Variants in FBLIM1 observed in about 807,000 individuals in gnomAD.
FBLIM1 encodes the protein filamin binding LIM protein 1.
In FBLIM1, 29 loss-of-function variants were observed where a neutral mutation model predicts 37.4. The observed-to-expected ratio is 0.77, with a 90% CI of 0.58 to 1.06. The LOEUF (loss-of-function observed/expected upper bound fraction) is 1.06. Among genes scored for constraint, FBLIM1 ranks in the 50% least tolerant of loss-of-function variants. FBLIM1 has a pLI of 0.00. For synonymous variants in FBLIM1, 193 were observed against 199.0 expected (o/e 0.97, Z 0.25); for missense variants, 449 against 505.6 (o/e 0.89, Z 1.07).
intron 8 of FBLIM1, among the ~76,000 whole-genome samples, chr1:15,781,716 TTG>T (rs1426822952): frequency 1.2e-4 from 16 of 131,828 alleles, no homozygotes; most frequent in African/African-American, 4.0e-4. Flanking sequence ...GTAGGTAGTA[TTG>T]TTTTTTTTTT....
Position 15,765,229 on chromosome 1 carries a change from TGGA to T in FBLIM1, c.249_250+1del. The T allele has an allele frequency of 6.2e-7, 1 of 1,610,606 alleles. No individual in the cohort carries two copies. The highest frequency in any genetic ancestry group is 8.5e-7 in the Non-Finnish European group (1 of 1,177,854). On this transcript the variant is annotated inframe_deletion and splice_region_variant, in exon 3 of 9. Transcript: ENST00000375766. This position sits in a 1 kb window ranked among gnomAD's most constrained non-coding sequence, Gnocchi z 5.9. ...CGGCTGCACCTATGCAGCTCTTCAA[TGGA>T]GGTAAGAGCTGAGGGGACTTTGGGG...
chr1:15,778,888 C>T (rs1347111600), intron 8 of FBLIM1, among the ~76,000 whole-genome samples: 4 of 148,348 alleles, frequency 2.7e-5, no homozygotes, highest in African/African-American at 1.0e-4. Flanking sequence ...GTGATCTGCC[C>T]ACCTCAGCTT....
intron 7 of FBLIM1, among the ~76,000 whole-genome samples, chr1:15,776,189 A>G (rs1329875519): frequency 6.7e-6 from 1 of 150,086 alleles, no homozygotes; most frequent in East Asian, 2.0e-4. Flanking sequence ...AGGCCAAGGC[A>G]GAGGTTGCAG....
intron 8 of FBLIM1, among the ~76,000 whole-genome samples, chr1:15,782,509 A>G (rs2069669891): frequency 6.6e-6 from 1 of 151,812 alleles, no homozygotes; most frequent in South Asian, 2.1e-4. Flanking sequence ...CAGCCACCGC[A>G]CAGCTGCCTT....
At chr1:15,774,985 G>T in intron 7 of FBLIM1, 189 bp downstream of exon 7, 1 of 1,209,094 alleles carries the variant, frequency 8.3e-7, no homozygotes, top group Non-Finnish European at 1.2e-6. Flanking sequence ...TTGGGAGGCC[G>T]AGGCGGGTGG....
Position 15,777,234 on chromosome 1 carries a change from T to C in FBLIM1, c.955T>C (p.Phe319Leu). The C allele has an allele frequency of 6.2e-7, 1 of 1,613,430 alleles. No individual in the cohort carries two copies. Among genetic ancestry groups the C allele is most frequent in the Non-Finnish European group, 8.5e-7 (1 of 1,179,524 alleles). ...CATCCCTCGGGATGGGAAAGATGCC[T>C]TCAAAATCGAATGCATGGGAAGAAA... The part of the protein sequence containing the change: ...PIIPRDGKDA[F>L]KIECMGRNFH... The change falls in exon 8 of 9, where the codon TTC becomes CTC. Residue 319 changes from phenylalanine to leucine, a missense_variant. Physicochemically the swap from Phe to Leu is conservative, Grantham distance 22. Coordinates refer to ENST00000375766, the MANE Select transcript of FBLIM1 (RefSeq NM_017556.4).
In FBLIM1 at chr1:15,777,194, C is replaced by A. The variant is rs577290702; in HGVS notation, c.915C>A (p.Ile305=). 3.1e-6 allele frequency: 5 copies of A among 1,610,000 alleles called. No individual in the cohort carries two copies. In the South Asian group the frequency reaches 3.3e-5, roughly 11 times the overall value. The change falls in exon 8 of 9, where the codon ATC becomes ATA. Residue 305 remains isoleucine, a synonymous_variant. Coordinates refer to ENST00000375766, the MANE Select transcript of FBLIM1 (RefSeq NM_017556.4). ...GGAAATTCGCCCCCGTCTGCAGCATCTGTGAAAATCCCATCATCCCTCGGG... is the reference window on the plus strand; with the variant it reads ...GGAAATTCGCCCCCGTCTGCAGCATATGTGAAAATCCCATCATCCCTCGGG... ...FYRKFAPVCS[I]CENPIIPRDG... is the part of the protein sequence containing the mutation.
At chr1:15,770,685 C>A in intron 6 of FBLIM1, 107 bp downstream of exon 6, 16 of 1,303,020 alleles carry the variant, frequency 1.2e-5, no homozygotes, top group Non-Finnish European at 1.6e-5. Context: ...CACTATTGAC[C>A]CCTTTCACAG....
chr1:15,759,211 CA>C (rs1448241731), intron 1 of FBLIM1, among the ~76,000 whole-genome samples: 1 of 152,154 alleles, frequency 6.6e-6, no homozygotes, highest in Non-Finnish European at 1.5e-5. Context: ...CGGCGGCGCC[CA>C]GCGGTGACCC....
chr1:15,769,466 G>T (rs1394818401), intron 5 of FBLIM1, among the ~76,000 whole-genome samples: 2 of 150,334 alleles, frequency 1.3e-5, no homozygotes, highest in African/African-American at 4.9e-5. Context: ...GACAGAGTGA[G>T]CTTCCGTCTC....
Position 15,770,596 on chromosome 1 carries a change from C to T in FBLIM1, c.711+18C>T. Reference sequence around the variant, plus strand: ...GCTACCAGGTAACCCCTGCAGCAGACCTCTGGGTGCCAGGCAGTGAGCTGA... The same window carrying T: ...GCTACCAGGTAACCCCTGCAGCAGATCTCTGGGTGCCAGGCAGTGAGCTGA... On this transcript the variant is annotated intron_variant, in intron 6 of 8. Transcript: ENST00000375766. 6.2e-7 allele frequency: 1 copy of T among 1,611,436 alleles called. No individual in the cohort carries two copies. The highest frequency in any genetic ancestry group is 2.2e-5 in the East Asian group (1 of 44,820).
chr1:15,773,553 G>T (rs1397093044), intron 6 of FBLIM1, among the ~76,000 whole-genome samples: 1 of 151,528 alleles, frequency 6.6e-6, no homozygotes, highest in South Asian at 2.1e-4. Context: ...GGTGGCGCAT[G>T]CCTGTAATCC....
chr1:15,784,991 G>A lies in FBLIM1; in HGVS notation c.*330G>A. The A allele has an allele frequency of 4.4e-6, 1 of 228,288 alleles. No individual in the cohort carries two copies. Among genetic ancestry groups the A allele is most frequent in the Non-Finnish European group, 8.7e-6 (1 of 115,470 alleles). 14.1% of individuals were successfully genotyped at this position (228,288 alleles called of 1,614,324 possible). ...TGGTAGGGGTGCTAGGACCAGCCTC[G>A]CCTGTGGGGTTGAGCTGTTTGAGGA... On this transcript the variant is annotated 3_prime_UTR_variant, in exon 9 of 9. Coordinates refer to ENST00000375766, the MANE Select transcript of FBLIM1 (RefSeq NM_017556.4).
In FBLIM1 at chr1:15,767,512, C is replaced by T. The variant is rs1461044287; in HGVS notation, c.387C>T (p.Leu129=). ...CTCCTGCTCCAATGGGGGCCTCACT[C>T]ATTGCAGACTTAGAGCAGCTGCACC... ...EEAPAPMGAS[L]IADLEQLHLS... Residue 129 remains leucine (L), a synonymous_variant, in exon 4 of 9, where the codon CTC becomes CTT. Transcript: ENST00000375766. The T allele has an allele frequency of 1.3e-6, 2 of 1,537,472 alleles. No individual in the cohort carries two copies. Among genetic ancestry groups the T allele is most frequent in the Non-Finnish European group, 1.7e-6 (2 of 1,146,314 alleles).
At chr1:15,778,597 G>T (rs957421905) in intron 8 of FBLIM1, among the ~76,000 whole-genome samples, 1 of 151,826 alleles carries the variant, frequency 6.6e-6, no homozygotes, top group Admixed American at 6.6e-5. Context: ...AAAATCCACG[G>T]TAACACGAGC....
Position 15,767,383 on chromosome 1 carries a change from A to AC in FBLIM1, c.263dup (p.Pro89SerfsTer7). On this transcript the variant is annotated frameshift_variant, in exon 4 of 9. Coordinates refer to ENST00000375766, the MANE Select transcript of FBLIM1 (RefSeq NM_017556.4). LOFTEE classifies it high-confidence loss of function. The stretch of plus-strand genomic sequence containing the variant: ...TCTCCTCCCCCATTGCAGGATGCCC[A>AC]CCCCCTCCTCCTGTCCTGGATGGTG... The AC allele has an allele frequency of 7.4e-7, 1 of 1,354,226 alleles. No individual in the cohort carries two copies. The highest frequency in any genetic ancestry group is 9.7e-7 in the Non-Finnish European group (1 of 1,036,062). The allele number at this position is 1,354,226 out of a possible 1,614,324, so 83.9% of individuals were successfully genotyped here. A position where few individuals can be genotyped will look rare whatever the true frequency, so the allele number is the denominator to read the frequency against.
chr1:15,766,765 G>T (rs1028339338), intron 3 of FBLIM1, among the ~76,000 whole-genome samples: 1 of 151,536 alleles, frequency 6.6e-6, no homozygotes, highest in Admixed American at 6.6e-5. Context: ...AGCTAATTTT[G>T]TGTTTTTCGT....
chr1:15,770,730 G>T, intron 6 of FBLIM1, 152 bp downstream of exon 6: 1 of 989,398 alleles, frequency 1.0e-6, no homozygotes, highest in Non-Finnish European at 1.5e-6. Flanking sequence ...AAGGAGCCCA[G>T]TGAAGGCGAT....
At chr1:15,762,113 G>T (rs565472077) in intron 1 of FBLIM1, among the ~76,000 whole-genome samples, 3 of 150,550 alleles carry the variant, frequency 2.0e-5, no homozygotes, top group Non-Finnish European at 4.4e-5. Flanking sequence ...TTTCGAGACA[G>T]AGTTTCACTC....
Sources: allele counts gnomAD v4.1 joint callset (sites outside exome capture counted in the v4.1 genomes callset), GRCh38; gene constraint gnomAD v4.1.1; non-coding constraint Gnocchi (gnomAD v3.1); transcripts MANE v1.5; gene names NCBI Gene and HGNC (gene_info 2026-07-23, HGNC 2026-07-21).